Variants in CAMTA1 observed in about 807,000 individuals in gnomAD.
CAMTA1 encodes the protein calmodulin binding transcription activator 1.
In CAMTA1, 27 loss-of-function variants were observed where a neutral mutation model predicts 170.9. The ratio of observed to expected loss-of-function variants is 0.16; its 90% confidence interval spans 0.12 to 0.22. CAMTA1 has a LOEUF of 0.22. Among genes scored for constraint, CAMTA1 ranks in the 10% least tolerant of loss-of-function variants. CAMTA1 has a pLI of 1.00. For missense variants in CAMTA1, 1,619 were observed against 2,217.2 expected, an observed-to-expected ratio of 0.73 and a Z score of 5.42; for synonymous variants, 833 against 891.5, an observed-to-expected ratio of 0.93 and a Z score of 1.17.
At chr1:7,385,218 T>C (rs1442144319) in intron 5 of CAMTA1, among the ~76,000 whole-genome samples, 3 of 151,550 alleles carry the variant, frequency 2.0e-5, no homozygotes. Flanking sequence ...GCCTCCTGAG[T>C]AGCAGGGACT....
chr1:7,639,147 T>A (rs1227623497), intron 6 of CAMTA1, among the ~76,000 whole-genome samples: 1 of 151,468 alleles, frequency 6.6e-6, no homozygotes, highest in Non-Finnish European at 1.5e-5. Flanking sequence ...CCCGGCTAAT[T>A]TTTTTGTATT....
intron 8 of CAMTA1, 91 bp downstream of exon 8, chr1:7,661,957 A>T: frequency 7.0e-7 from 1 of 1,428,130 alleles, no homozygotes; most frequent in East Asian, 2.5e-5. Flanking sequence ...GGGAGTAGCC[A>T]TGACATCTAG....
intron 4 of CAMTA1, among the ~76,000 whole-genome samples, chr1:7,237,418 G>T (rs1217734312): frequency 1.3e-5 from 2 of 152,166 alleles, no homozygotes; most frequent in Non-Finnish European, 2.9e-5. Flanking sequence ...AGATGAAATT[G>T]GTGGTTGTTG....
intron 6 of CAMTA1, among the ~76,000 whole-genome samples, chr1:7,530,992 T>G (rs2094486539): frequency 6.6e-6 from 1 of 151,964 alleles, no homozygotes; most frequent in African/African-American, 2.4e-5. Flanking sequence ...AATTTTTGTA[T>G]TTTTAGAAGA....
chr1:7,663,358 G>A lies in CAMTA1; in HGVS notation c.811G>A (p.Gly271Ser). ...TTGTGTTCCGATCTCCGCAGGAGCTGGCGGCAGCGTGCATCACAAGTGTAA... is the reference window on the plus strand; with the variant it reads ...TTGTGTTCCGATCTCCGCAGGAGCTAGCGGCAGCGTGCATCACAAGTGTAA... ...NCLCTGSLGA[G>S]GSVHHKCNSA... is the part of the protein sequence containing the mutation. Residue 271 changes from glycine (G) to serine (S), a missense_variant, in exon 9 of 23, where the codon GGC becomes AGC. Gly to Ser is a moderately conservative substitution (Grantham distance 56). Transcript: ENST00000303635. The A allele has an allele frequency of 6.6e-7, 1 of 1,525,652 alleles. No homozygotes were observed. The highest frequency in any genetic ancestry group is 1.3e-5 in the South Asian group (1 of 77,182). 94.5% of individuals were successfully genotyped at this position (1,525,652 alleles called of 1,614,324 possible). A position where few individuals can be genotyped will look rare whatever the true frequency, so the allele number is the denominator to read the frequency against.
At chr1:6,943,070 A>G (rs1398675319) in intron 3 of CAMTA1, among the ~76,000 whole-genome samples, 1 of 152,000 alleles carries the variant, frequency 6.6e-6, no homozygotes, top group Non-Finnish European at 1.5e-5. Flanking sequence ...TCCCTGCTCA[A>G]GGTCACCAGC....
At chr1:7,576,438 G>C (rs893213679) in intron 6 of CAMTA1, among the ~76,000 whole-genome samples, 8 of 152,152 alleles carry the variant, frequency 5.3e-5, no homozygotes, top group African/African-American at 1.9e-4. Flanking sequence ...GGTTATGAGT[G>C]AATACAATTA....
intron 22 of CAMTA1, among the ~76,000 whole-genome samples, chr1:7,757,126 G>A (rs1346190815): frequency 1.3e-5 from 2 of 152,154 alleles, no homozygotes. Context: ...TAATGTTTCT[G>A]GAGATATTAT....
intron 5 of CAMTA1, among the ~76,000 whole-genome samples, chr1:7,408,149 G>A (rs1038489610): frequency 1.3e-5 from 2 of 152,134 alleles, no homozygotes; most frequent in African/African-American, 4.8e-5. Flanking sequence ...GCCCATGTCA[G>A]GTGTCATCTG....
chr1:6,821,983 C>T (rs1646540034), intron 2 of CAMTA1, among the ~76,000 whole-genome samples: 1 of 152,082 alleles, frequency 6.6e-6, no homozygotes, highest in Non-Finnish European at 1.5e-5. Context: ...TTTCAAGAGC[C>T]TCACTAGTTA....
At chr1:6,812,469 C>G (rs1266046638) in intron 1 of CAMTA1, among the ~76,000 whole-genome samples, 2 of 152,186 alleles carry the variant, frequency 1.3e-5, no homozygotes, top group African/African-American at 4.8e-5. Flanking sequence ...TTACAATGCT[C>G]TCTCTGAGGA....
intron 6 of CAMTA1, among the ~76,000 whole-genome samples, chr1:7,475,276 G>T (rs1023991029): frequency 2.6e-5 from 4 of 152,166 alleles, no homozygotes; most frequent in African/African-American, 9.7e-5. Context: ...CTCTGTACCT[G>T]GGCCTTCTAC....
chr1:6,919,268 G>T (rs1395474618), intron 3 of CAMTA1, among the ~76,000 whole-genome samples: 1 of 152,170 alleles, frequency 6.6e-6, no homozygotes, highest in Admixed American at 6.5e-5. Flanking sequence ...CAGGGGTCCT[G>T]CAGCCCTGCT....
At chr1:7,601,012 G>A (rs920206772) in intron 6 of CAMTA1, among the ~76,000 whole-genome samples, 60 of 152,184 alleles carry the variant, frequency 3.9e-4, no homozygotes, top group African/African-American at 9.7e-4. Context: ...CCTCCCAGAT[G>A]GGGTGGTGGC....
At chr1:7,091,914 G>A (rs1641516239) in intron 4 of CAMTA1, among the ~76,000 whole-genome samples, 1 of 152,196 alleles carries the variant, frequency 6.6e-6, no homozygotes, top group African/African-American at 2.4e-5. Context: ...TGGGAATAGA[G>A]GGAATTAGTG....
rs1384132958 is a variant in CAMTA1, at chr1:7,732,324, A to T, written c.2915-124A>T. 1.3e-6 allele frequency: 1 copy of T among 746,434 alleles called. No homozygotes were observed. Among genetic ancestry groups the T allele is most frequent in the Admixed American group, 2.2e-5 (1 of 45,916 alleles). The allele number at this position is 746,434 out of a possible 1,614,324, so 46.2% of individuals were successfully genotyped here. A position where few individuals can be genotyped will look rare whatever the true frequency, so the allele number is the denominator to read the frequency against. ...TGCTGGGGAACTCTGGCTGGCGGAG[A>T]CCTCTCTGGTTTGGTGAAGTTACGG... On this transcript the variant is annotated intron_variant, in intron 11 of 22. Transcript: ENST00000303635. This position sits in a 1 kb window ranked among gnomAD's most constrained non-coding sequence, Gnocchi z 4.1.
chr1:7,345,445 A>G (rs1159065401), intron 5 of CAMTA1, among the ~76,000 whole-genome samples: 1 of 152,164 alleles, frequency 6.6e-6, no homozygotes, highest in African/African-American at 2.4e-5. Context: ...CTCCTTTCCC[A>G]TGATCGCCTG....
chr1:7,612,829 G>A (rs1027162140), intron 6 of CAMTA1, among the ~76,000 whole-genome samples: 1 of 152,192 alleles, frequency 6.6e-6, no homozygotes, highest in African/African-American at 2.4e-5. Flanking sequence ...AGGTTAAGAG[G>A]GCATTTCAAA....
chr1:7,702,379 C>T (rs1372002470), intron 11 of CAMTA1, among the ~76,000 whole-genome samples: 1 of 152,210 alleles, frequency 6.6e-6, no homozygotes, highest in African/African-American at 2.4e-5. Context: ...AGAACTTCCC[C>T]ACCTGAGAGA....
Sources: gnomAD v4.1 joint callset for allele counts (sites outside exome capture counted in the v4.1 genomes callset) on GRCh38, gnomAD v4.1.1 for gene constraint, Gnocchi (gnomAD v3.1) non-coding constraint, MANE v1.5 for transcripts, NCBI Gene and HGNC (gene_info 2026-07-23, HGNC 2026-07-21) for gene names.